LRRC36: variants seen among roughly 807,000 people sequenced by gnomAD.
LRRC36 encodes leucine-rich repeat-containing protein 36.
LRRC36 carries 62 observed loss-of-function variants against 81.1 expected under a neutral mutation model. The observed-to-expected ratio is 0.76, with a 90% CI of 0.62 to 0.94. The LOEUF (loss-of-function observed/expected upper bound fraction) is 0.94, where lower values mean the gene tolerates loss of function less well. Among genes scored for constraint, LRRC36 ranks in the 40% least tolerant of loss-of-function variants. LRRC36 has a pLI of 0.00. For missense variants in LRRC36, 761 were observed against 881.7 expected (o/e 0.86, Z 1.73); for synonymous variants, 334 against 348.6 (o/e 0.96, Z 0.47).
Position 67,363,625 on chromosome 16 carries a change from C to A in LRRC36, c.613C>A (p.Arg205=). 2 of 1,613,830 alleles carry A rather than the reference C, an allele frequency of 1.2e-6. No individual in the cohort carries two copies. The highest frequency in any genetic ancestry group is 1.1e-5 in the South Asian group (1 of 91,064). The change falls in exon 6 of 14, where the codon CGG becomes AGG. Residue 205 remains arginine, a synonymous_variant. Transcript: ENST00000329956. ...NKGLFIPFPN[R]EIKDSLSTSA... is the part of the protein sequence containing the mutation. ...AGGACTTTTTATTCCCTTCCCCAAC[C>A]GGGAAATAAAGGATTCCCTAAGTAC...
chr16:67,373,726 A>AT (rs1170929269), intron 9 of LRRC36, among the ~76,000 whole-genome samples: 3 of 144,862 alleles, frequency 2.1e-5, no homozygotes, highest in Admixed American at 1.4e-4. Context: ...AAAAAAAAAA[A>AT]AAAAAGCCAG....
rs372606595 is a variant in LRRC36, at chr16:67,346,243, G to A, written c.199-13G>A. 2.0e-6 allele frequency: 3 copies of A among 1,502,924 alleles called. No homozygotes were observed. The highest frequency in any genetic ancestry group is 2.8e-5 in the African/African-American group (2 of 72,696). The allele number at this position is 1,502,924 out of a possible 1,614,324, so 93.1% of individuals were successfully genotyped here. A position where few individuals can be genotyped will look rare whatever the true frequency, so the allele number is the denominator to read the frequency against. ...CCAATATGCCATTTCATAATGTGGT[G>A]TTTTCCTTGTAGGGAATCCAGTATT... On this transcript the variant is annotated splice_polypyrimidine_tract_variant and intron_variant, in intron 2 of 13. Coordinates refer to ENST00000329956, the MANE Select transcript of LRRC36 (RefSeq NM_018296.6).
chr16:67,375,446 G>A, intron 10 of LRRC36, 34 bp downstream of exon 10: 5 of 1,531,720 alleles, frequency 3.3e-6, no homozygotes, highest in Non-Finnish European at 4.4e-6. Context: ...TTGGACAGGA[G>A]TTGGACTTTT....
intron 5 of LRRC36, among the ~76,000 whole-genome samples, chr16:67,355,024 A>G (rs2038833692): frequency 6.6e-6 from 1 of 152,180 alleles, no homozygotes; most frequent in Non-Finnish European, 1.5e-5. Flanking sequence ...GTAGCCTTTC[A>G]GATTGGCTTC....
At chr16:67,356,061 C>G (rs2038891887) in intron 5 of LRRC36, among the ~76,000 whole-genome samples, 1 of 152,166 alleles carries the variant, frequency 6.6e-6, no homozygotes, top group Admixed American at 6.5e-5. Flanking sequence ...GAATGTCTTA[C>G]TAAGAACAAT....
intron 4 of LRRC36, among the ~76,000 whole-genome samples, chr16:67,349,589 C>T (rs555105807): frequency 6.6e-6 from 1 of 152,090 alleles, no homozygotes; most frequent in African/African-American, 2.4e-5. Context: ...AAGAAACTGT[C>T]CTACCCCCTC....
intron 3 of LRRC36, among the ~76,000 whole-genome samples, chr16:67,346,789 T>TTTGGGGGCTTAG (rs1274037625): frequency 6.6e-6 from 1 of 152,188 alleles, no homozygotes. Context: ...ATACAATTTA[T>TTTGGGGGCTTAG]TTGGGGGCTT....
At chr16:67,379,252 G>A (rs911964193) in intron 12 of LRRC36, among the ~76,000 whole-genome samples, 1 of 151,906 alleles carries the variant, frequency 6.6e-6, no homozygotes, top group Non-Finnish European at 1.5e-5. Context: ...GTGAGAATCC[G>A]TCTTTACAAA....
chr16:67,350,304 CT>C lies in LRRC36; in HGVS notation c.577+15del. ...GGATTGAAATGGGTAAGTTTTCTCC[CT>C]GTGATTATAAAATGATTAAAACATC... On this transcript the variant is annotated intron_variant, in intron 5 of 13. Coordinates refer to ENST00000329956, the MANE Select transcript of LRRC36 (RefSeq NM_018296.6). 6.3e-7 allele frequency: 1 copy of C among 1,590,102 alleles called. No individual in the cohort carries two copies. The highest frequency in any genetic ancestry group is 8.6e-7 in the Non-Finnish European group (1 of 1,162,776).
chr16:67,354,364 A>G (rs937614520), intron 5 of LRRC36, among the ~76,000 whole-genome samples: 3 of 151,542 alleles, frequency 2.0e-5, no homozygotes, highest in Non-Finnish European at 4.4e-5. Context: ...TGCAACTTCC[A>G]CCTCCCGGGT....
At chr16:67,345,244 G>C (rs1045774079) in intron 2 of LRRC36, among the ~76,000 whole-genome samples, 2 of 151,310 alleles carry the variant, frequency 1.3e-5, no homozygotes, top group African/African-American at 4.9e-5. Context: ...AGCCCAGGAA[G>C]TCAGGGCTGC....
chr16:67,341,929 A>G, intron 1 of LRRC36, 28 bp from the exon 2 acceptor site: 1 of 1,589,890 alleles, frequency 6.3e-7, no homozygotes, highest in Non-Finnish European at 8.6e-7. Flanking sequence ...CAGGGATCAT[A>G]ATATATCTAC....
intron 5 of LRRC36, among the ~76,000 whole-genome samples, chr16:67,350,852 G>A (rs1477461167): frequency 2.0e-5 from 3 of 152,014 alleles, no homozygotes; most frequent in Non-Finnish European, 4.4e-5. Context: ...CAGCCTGACC[G>A]ACATGGAGAA....
chr16:67,327,437 T>G (rs899464494), intron 1 of LRRC36, among the ~76,000 whole-genome samples: 6 of 151,728 alleles, frequency 4.0e-5, no homozygotes, highest in Admixed American at 2.6e-4. Flanking sequence ...AGGTTGCAGT[T>G]AGCCGAGATC....
chr16:67,372,958 T>C (rs1019201023), intron 9 of LRRC36, among the ~76,000 whole-genome samples: 2 of 152,216 alleles, frequency 1.3e-5, no homozygotes, highest in Non-Finnish European at 2.9e-5. Context: ...AACTGTGTGT[T>C]ACTGTATTCA....
intron 13 of LRRC36, among the ~76,000 whole-genome samples, chr16:67,383,552 G>A (rs1157306207): frequency 2.6e-5 from 4 of 152,108 alleles, no homozygotes; most frequent in Non-Finnish European, 4.4e-5. Context: ...TATTGCTACT[G>A]GTCTGGGGAC....
At chr16:67,375,465 CTG>C in intron 10 of LRRC36, 53 bp downstream of exon 10, 1 of 1,473,896 alleles carries the variant, frequency 6.8e-7, no homozygotes, top group Non-Finnish European at 9.0e-7. Flanking sequence ...TTCCTCTGCT[CTG>C]TGTTCTGCTA....
At chr16:67,368,906 T>C (rs1010691170) in intron 8 of LRRC36, among the ~76,000 whole-genome samples, 2 of 152,182 alleles carry the variant, frequency 1.3e-5, no homozygotes, top group African/African-American at 4.8e-5. Context: ...TCAATGGTAA[T>C]TCTGTGGTTT....
chr16:67,363,808 G>A lies in LRRC36; in HGVS notation c.702+94G>A, dbSNP rs142236620. On this transcript the variant is annotated intron_variant, in intron 6 of 13. Transcript: ENST00000329956. ...TCAATTATTTATGAAGGTCTCAGAGGACTTGTTTGATGAAGGCATTTTAGA... is the reference window on the plus strand; with the variant it reads ...TCAATTATTTATGAAGGTCTCAGAGAACTTGTTTGATGAAGGCATTTTAGA... The A allele has an allele frequency of 1.8e-5, 25 of 1,418,050 alleles. No homozygotes were observed. In the African/African-American group the frequency reaches 3.6e-4, roughly 21 times the overall value. The allele number at this position is 1,418,050 out of a possible 1,614,324, so 87.8% of individuals were successfully genotyped here.
Sources: allele counts gnomAD v4.1 joint callset (sites outside exome capture counted in the v4.1 genomes callset), GRCh38; gene constraint gnomAD v4.1.1; transcripts MANE v1.5; gene names NCBI Gene and HGNC (gene_info 2026-07-23, HGNC 2026-07-21).